The following TMEM161B variants were observed in gnomAD, a reference collection of about 807,000 sequenced individuals.
TMEM161B encodes transmembrane protein 161B.
In TMEM161B, 34 loss-of-function variants were observed where a neutral mutation model predicts 61.8. The observed-to-expected ratio is 0.55, with a 90% CI of 0.42 to 0.73. The LOEUF (loss-of-function observed/expected upper bound fraction) is 0.73. Ranked by LOEUF, TMEM161B falls within the 30% of genes least tolerant of loss-of-function variation. TMEM161B has a pLI of 0.00. For missense variants in TMEM161B, 456 were observed against 558.5 expected, an observed-to-expected ratio of 0.82 and a Z score of 1.85; for synonymous variants, 167 against 192.8, an observed-to-expected ratio of 0.87 and a Z score of 1.11.
At chr5:88,235,118 TCTTA>T (rs1355631185) in intron 2 of TMEM161B, among the ~76,000 whole-genome samples, 5 of 152,116 alleles carry the variant, frequency 3.3e-5, no homozygotes, top group Non-Finnish European at 1.5e-5. Flanking sequence ...CAACTACAAC[TCTTA>T]CTAAAACAGT....
intron 1 of TMEM161B, among the ~76,000 whole-genome samples, chr5:88,251,835 T>C (rs1754379152): frequency 6.6e-6 from 1 of 152,182 alleles, no homozygotes; most frequent in South Asian, 2.1e-4. Flanking sequence ...TCCAGTATCT[T>C]CCTGGCTATC....
intron 1 of TMEM161B, among the ~76,000 whole-genome samples, chr5:88,267,451 T>C (rs1756540607): frequency 6.6e-6 from 1 of 152,190 alleles, no homozygotes; most frequent in Non-Finnish European, 1.5e-5. Context: ...CTAAAAGTCA[T>C]TCAAAAGCCA....
intron 2 of TMEM161B, among the ~76,000 whole-genome samples, chr5:88,232,254 T>C (rs2112603260): frequency 6.6e-6 from 1 of 152,324 alleles, no homozygotes; most frequent in South Asian, 2.1e-4. Context: ...CATGCATGTA[T>C]GGACCACTCA....
At chr5:88,204,008 ACTTAAGAG>A (rs1220537878) in intron 8 of TMEM161B, among the ~76,000 whole-genome samples, 1 of 151,802 alleles carries the variant, frequency 6.6e-6, no homozygotes, top group African/African-American at 2.4e-5. Context: ...TATCAACCAC[ACTTAAGAG>A]CTAAACTGGA....
chr5:88,254,160 G>A (rs888072670), intron 1 of TMEM161B, among the ~76,000 whole-genome samples: 1 of 152,060 alleles, frequency 6.6e-6, no homozygotes, highest in Non-Finnish European at 1.5e-5. Context: ...TCTATTACAA[G>A]ATCTCATATA....
downstream of TMEM161B, among the ~76,000 whole-genome samples, chr5:88,192,527 G>GT (rs1749058644): frequency 6.6e-6 from 1 of 152,170 alleles, no homozygotes; most frequent in African/African-American, 2.4e-5. Flanking sequence ...TGGTGTCCAT[G>GT]TCAGAGTCTT....
At chr5:88,190,416 C>T (rs754590214), downstream of TMEM161B, among the ~76,000 whole-genome samples, 15 of 152,170 alleles carry the variant, frequency 9.9e-5, no homozygotes, top group Non-Finnish European at 2.1e-4. Context: ...GCAGCTGTGG[C>T]ACAGCTACTC....
downstream of TMEM161B, among the ~76,000 whole-genome samples, chr5:88,194,501 T>C (rs1749315949): frequency 6.6e-6 from 1 of 152,114 alleles, no homozygotes. Flanking sequence ...TTCATTTGGA[T>C]TGATACCTAA....
chr5:88,214,895 G>A (rs1206504897), intron 5 of TMEM161B, among the ~76,000 whole-genome samples: 1 of 152,202 alleles, frequency 6.6e-6, no homozygotes, highest in Non-Finnish European at 1.5e-5. Flanking sequence ...AGAAAGCAGA[G>A]CTGATGACAA....
intron 4 of TMEM161B, among the ~76,000 whole-genome samples, chr5:88,224,815 T>C (rs1580511331): frequency 6.6e-6 from 1 of 152,308 alleles, no homozygotes; most frequent in East Asian, 1.9e-4. Context: ...AGTATCACAG[T>C]GTTGAAGACT....
At chr5:88,237,429 T>G (rs547151338) in intron 2 of TMEM161B, among the ~76,000 whole-genome samples, 1 of 152,078 alleles carries the variant, frequency 6.6e-6, no homozygotes, top group Non-Finnish European at 1.5e-5. Flanking sequence ...GGAAGAAGGA[T>G]AGCTCAGAGG....
downstream of TMEM161B, among the ~76,000 whole-genome samples, chr5:88,191,805 A>G (rs1267209534): frequency 6.6e-6 from 1 of 150,644 alleles, no homozygotes; most frequent in Non-Finnish European, 1.5e-5. Flanking sequence ...AAAATACGAA[A>G]AATTAGCTGG....
intron 4 of TMEM161B, among the ~76,000 whole-genome samples, chr5:88,225,456 A>C (rs1409044471): frequency 6.6e-6 from 1 of 152,164 alleles, no homozygotes; most frequent in Non-Finnish European, 1.5e-5. Flanking sequence ...CCACATTAGA[A>C]AAGGGCAGAC....
At chr5:88,233,863 A>G (rs1751404419) in intron 2 of TMEM161B, among the ~76,000 whole-genome samples, 1 of 152,122 alleles carries the variant, frequency 6.6e-6, no homozygotes, top group African/African-American at 2.4e-5. Flanking sequence ...TGCAGTTCAG[A>G]GATAATTTGA....
intron 5 of TMEM161B, among the ~76,000 whole-genome samples, chr5:88,216,362 AT>A (rs1467497927): frequency 6.6e-6 from 1 of 152,220 alleles, no homozygotes; most frequent in Non-Finnish European, 1.5e-5. Flanking sequence ...AATATTTTTG[AT>A]GTGTTTTATA....
At chr5:88,202,868 G>T in intron 9 of TMEM161B, 94 bp downstream of exon 9, 1 of 846,756 alleles carries the variant, frequency 1.2e-6, no homozygotes. Flanking sequence ...AAAATACAGT[G>T]TCCTGATTTT....
At chr5:88,204,419 C>G (rs969874459) in intron 8 of TMEM161B, among the ~76,000 whole-genome samples, 3 of 152,106 alleles carry the variant, frequency 2.0e-5, no homozygotes, top group African/African-American at 7.2e-5. Flanking sequence ...CAACCACCAC[C>G]AAATGCTTTA....
chr5:88,244,003 T>C (rs1032237948), intron 1 of TMEM161B, among the ~76,000 whole-genome samples: 2 of 151,864 alleles, frequency 1.3e-5, no homozygotes, highest in Non-Finnish European at 2.9e-5. Context: ...TGTAAATTTG[T>C]TTAAGTTCCT....
chr5:88,255,594 C>G (rs922728182), intron 1 of TMEM161B, among the ~76,000 whole-genome samples: 1 of 152,154 alleles, frequency 6.6e-6, no homozygotes, highest in African/African-American at 2.4e-5. Context: ...AATTATAAAA[C>G]ATAATTGTCA....
Sources: gnomAD v4.1 joint callset for allele counts (sites outside exome capture counted in the v4.1 genomes callset) on GRCh38, gnomAD v4.1.1 for gene constraint, MANE v1.5 for transcripts, NCBI Gene and HGNC (gene_info 2026-07-23, HGNC 2026-07-21) for gene names.